Variants in SAMD4B observed in about 807,000 individuals in gnomAD.
SAMD4B encodes the protein protein Smaug homolog 2.
In SAMD4B, 5 loss-of-function variants were observed where a neutral mutation model predicts 74.5. That is an observed-to-expected ratio of 0.07 (90% confidence interval 0.04 to 0.14). The LOEUF (loss-of-function observed/expected upper bound fraction) is 0.14, where lower values mean the gene tolerates loss of function less well. Among genes scored for constraint, SAMD4B ranks in the 10% least tolerant of loss-of-function variants. The pLI is 1.00. For synonymous variants in SAMD4B, 373 were observed against 374.9 expected, an observed-to-expected ratio of 1.00 and a Z score of 0.06; for missense variants, 608 against 921.8, an observed-to-expected ratio of 0.66 and a Z score of 4.41.
At chr19:39,351,403 T>G (rs2076033603) in intron 1 of SAMD4B, 1 of 152,202 alleles carries the variant, frequency 6.6e-6, no homozygotes, top group Non-Finnish European at 1.5e-5. Context: ...GAGAGACTTC[T>G]GTTATAGAGG....
At chr19:39,372,279 G>A (rs752753720) in intron 4 of SAMD4B, among the ~76,000 whole-genome samples, 8 of 152,170 alleles carry the variant, frequency 5.3e-5, no homozygotes, top group African/African-American at 1.2e-4. Context: ...TGTGCTTACC[G>A]TGTGCCTATC....
chr19:39,388,194 G>A (rs1038369626), downstream of SAMD4B: 1 of 778,166 alleles, frequency 1.3e-6, no homozygotes, highest in Non-Finnish European at 2.1e-6. Context: ...TCCAGCTCAT[G>A]TGCATGACCA....
chr19:39,386,047 C>T (rs201912849), downstream of SAMD4B: 53 of 1,613,994 alleles, frequency 3.3e-5, no homozygotes, highest in Middle Eastern at 1.6e-4. This position sits in a 1 kb window ranked among gnomAD's most constrained non-coding sequence, Gnocchi z 6.1. Context: ...TCACTGCCAT[C>T]CTCCTGGGCC....
intron 1 of SAMD4B, among the ~76,000 whole-genome samples, chr19:39,344,524 C>A (rs2075570751): frequency 6.6e-6 from 1 of 152,160 alleles, no homozygotes; most frequent in Non-Finnish European, 1.5e-5. Context: ...CAGAACTTTC[C>A]CTCAGATTCC....
chr19:39,374,762 AC>A (rs1424573942), intron 4 of SAMD4B, among the ~76,000 whole-genome samples: 27 of 152,172 alleles, frequency 1.8e-4, no homozygotes, highest in African/African-American at 6.5e-4. Flanking sequence ...AATTGCTTGA[AC>A]CCAGGAGGCA....
chr19:39,365,192 G>T (rs1226523566), intron 3 of SAMD4B, among the ~76,000 whole-genome samples: 2 of 147,818 alleles, frequency 1.4e-5, no homozygotes, highest in African/African-American at 2.5e-5. Flanking sequence ...CTTGCAGTGA[G>T]CCGAGATCGT....
downstream of SAMD4B, chr19:39,386,317 C>G: frequency 6.2e-7 from 1 of 1,614,222 alleles, no homozygotes; most frequent in Non-Finnish European, 8.5e-7. The surrounding 1 kb of genome is among the most constrained non-coding windows in gnomAD (Gnocchi z 6.1). Context: ...TCGTCCCTGT[C>G]ACCTTCCTCC....
Position 39,375,565 on chromosome 19 carries a change from C to T in SAMD4B, c.668-85C>T. On this transcript the variant is annotated intron_variant, in intron 4 of 13. Coordinates refer to ENST00000610417, the MANE Select transcript of SAMD4B (RefSeq NM_001384574.2). The surrounding 1 kb of genome is among the most constrained non-coding windows in gnomAD (Gnocchi z 4.1). ...CTTGGCAGGTTATGGGGCCAAACTG[C>T]CATCCTGGCACTGACGGCAGGGGGA... The T allele has an allele frequency of 5.9e-6, 9 of 1,526,830 alleles. No individual in the cohort carries two copies. Among genetic ancestry groups the T allele is most frequent in the Non-Finnish European group, 7.1e-6 (8 of 1,127,910 alleles). 94.6% of individuals were successfully genotyped at this position (1,526,830 alleles called of 1,614,324 possible).
intron 4 of SAMD4B, among the ~76,000 whole-genome samples, chr19:39,372,777 A>G (rs908174278): frequency 2.6e-5 from 4 of 152,026 alleles, no homozygotes; most frequent in Admixed American, 6.6e-5. Flanking sequence ...AGGGAGAAAG[A>G]AGGAGGCCAG....
At position 39,383,444 on chromosome 19, in the gene SAMD4B, C is replaced by T; in HGVS notation, c.2057-55C>T. On this transcript the variant is annotated intron_variant, in intron 13 of 13. Coordinates refer to ENST00000610417, the MANE Select transcript of SAMD4B (RefSeq NM_001384574.2). The surrounding 1 kb of genome is among the most constrained non-coding windows in gnomAD (Gnocchi z 4.1). ...ATGACAGGCTACCTGAGTGCCTTTTCTTGGGCCTCCCTCCAGCTCCTGATC... is the reference window on the plus strand; with the variant it reads ...ATGACAGGCTACCTGAGTGCCTTTTTTTGGGCCTCCCTCCAGCTCCTGATC... 3 of 1,603,930 alleles carry T rather than the reference C, an allele frequency of 1.9e-6. No homozygotes were observed. Among genetic ancestry groups the T allele is most frequent in the Non-Finnish European group, 2.6e-6 (3 of 1,170,748 alleles).
chr19:39,386,007 TCAGCTTCACTGGAATCAGAAGCTG>T (rs779174828), downstream of SAMD4B: 18 of 1,613,540 alleles, frequency 1.1e-5, no homozygotes, highest in East Asian at 4.5e-5. The surrounding 1 kb of genome is among the most constrained non-coding windows in gnomAD (Gnocchi z 6.1). Context: ...ACTGTCACTA[TCAGCTTCACTGGAATCAGAAGCTG>T]CAGCTTCACT....
At chr19:39,351,461 CAT>C (rs1429445475) in intron 1 of SAMD4B, 1 of 152,304 alleles carries the variant, frequency 6.6e-6, no homozygotes, top group East Asian at 1.9e-4. Flanking sequence ...TTTTTGGTCA[CAT>C]GAGGACAAAG....
intron 3 of SAMD4B, among the ~76,000 whole-genome samples, chr19:39,364,949 T>C (rs950384832): frequency 2.6e-5 from 4 of 152,004 alleles, no homozygotes; most frequent in Admixed American, 2.0e-4. Context: ...GGGTAAAAAG[T>C]TCCCCCCTGG....
rs1448091767 is a variant in SAMD4B at position 39,368,712 on chromosome 19, A to G, written c.197-943A>G. 4.6e-5 allele frequency among the ~76,000 whole-genome samples: 7 copies of G among 152,230 alleles called. No homozygotes were observed. The South Asian group carries it at 1.5e-3, about 32-fold the overall frequency. On this transcript the variant is annotated intron_variant, in intron 3 of 13. Transcript: ENST00000610417. ...ATCTAGAAGCAGAGAGACCAGTTAAAAAACAATAGCAAGCATTTATTATGT... is the reference window on the plus strand; with the variant it reads ...ATCTAGAAGCAGAGAGACCAGTTAAGAAACAATAGCAAGCATTTATTATGT...
chr19:39,362,725 T>G (rs1016237443), intron 3 of SAMD4B, among the ~76,000 whole-genome samples: 1 of 152,066 alleles, frequency 6.6e-6, no homozygotes, highest in African/African-American at 2.4e-5. Flanking sequence ...TCAGGGGAGC[T>G]GAATTCCACT....
At chr19:39,346,417 A>G (rs751068178) in intron 1 of SAMD4B, among the ~76,000 whole-genome samples, 4 of 152,202 alleles carry the variant, frequency 2.6e-5, no homozygotes, top group Non-Finnish European at 4.4e-5. Flanking sequence ...AAAGATAGAG[A>G]TGAAAGAAGA....
At position 39,363,920 on chromosome 19, in the gene SAMD4B, T is replaced by C. The variant is rs1294228339; in HGVS notation, c.197-5735T>C. 3.3e-5 allele frequency among the ~76,000 whole-genome samples: 5 copies of C among 152,150 alleles called. 1 individual carries two copies. The highest frequency in any genetic ancestry group is 3.3e-4 in the Admixed American group (5 of 15,278). On this transcript the variant is annotated intron_variant, in intron 3 of 13. Coordinates refer to ENST00000610417, the MANE Select transcript of SAMD4B (RefSeq NM_001384574.2). ...CTGATCTGGGCAGGAAACTAGAAGTTCCATCCCCACCCATTATTTACAGCC... is the reference window on the plus strand; with the variant it reads ...CTGATCTGGGCAGGAAACTAGAAGTCCCATCCCCACCCATTATTTACAGCC...
intron 1 of SAMD4B, among the ~76,000 whole-genome samples, chr19:39,343,086 A>G (rs906674398): frequency 6.7e-6 from 1 of 150,162 alleles, no homozygotes. Flanking sequence ...CGTCCATTCC[A>G]CAGCGTGGCT....
chr19:39,380,111 C>T (rs751706945), intron 10 of SAMD4B, 27 bp downstream of exon 10: 1 of 1,569,080 alleles, frequency 6.4e-7, no homozygotes, highest in Non-Finnish European at 8.8e-7. Flanking sequence ...GTTACAGGGA[C>T]CTGCCCTCCA....
Sources: gnomAD v4.1 joint callset for allele counts (sites outside exome capture counted in the v4.1 genomes callset) on GRCh38, gnomAD v4.1.1 for gene constraint, Gnocchi (gnomAD v3.1) non-coding constraint, MANE v1.5 for transcripts, NCBI Gene and HGNC (gene_info 2026-07-23, HGNC 2026-07-21) for gene names.